The following MYBPH variants were observed in gnomAD, a reference collection of about 807,000 sequenced individuals.
MYBPH encodes the protein myosin binding protein H, also known as myosin-binding protein H.
A neutral mutation model predicts 53.6 loss-of-function variants in MYBPH; 49 were observed. That is an observed-to-expected ratio of 0.91 (90% CI 0.73 to 1.16). The LOEUF (loss-of-function observed/expected upper bound fraction) is 1.16, where lower values mean the gene tolerates loss of function less well. Among genes scored for constraint, MYBPH ranks in the 50% most tolerant of loss-of-function variants. The pLI, the probability that MYBPH is intolerant of heterozygous loss-of-function variation, is 0.00. For synonymous variants in MYBPH, 239 were observed against 249.6 expected (o/e 0.96, Z 0.40); for missense variants, 558 against 624.1 (o/e 0.89, Z 1.13).
chr1:203,169,753 T>C (rs1655660183), intron 7 of MYBPH, among the ~76,000 whole-genome samples: 1 of 152,224 alleles, frequency 6.6e-6, no homozygotes, highest in Non-Finnish European at 1.5e-5. Flanking sequence ...GTTTGCCTTC[T>C]GGAACCCACA....
rs768989543 is a variant in MYBPH, at chr1:203,174,482, C to A, written c.456G>T (p.Gly152=). Residue 152 remains glycine, a synonymous_variant, in exon 3 of 11, where the codon GGG becomes GGT. Transcript: ENST00000255416. The part of the protein sequence containing the change: ...LLRVSAVSSA[G]AGPPAMLDQP... ...GGTCCAGCATGGCCGGCGGGCCAGC[C>A]CCTGCAGAACTCACTGCAGACACGC... 3.7e-6 allele frequency: 6 copies of A among 1,612,224 alleles called. No homozygotes were observed. The Admixed American group carries it at 1.0e-4, about 27-fold the overall frequency.
upstream of MYBPH, among the ~76,000 whole-genome samples, chr1:203,176,673 T>C (rs936784921): frequency 6.6e-6 from 1 of 152,178 alleles, no homozygotes; most frequent in Admixed American, 6.5e-5. Context: ...TTTCTAGTCA[T>C]TGATTCATTT....
chr1:203,171,603 G>A lies in MYBPH; in HGVS notation c.598-25C>T. On this transcript the variant is annotated intron_variant, in intron 4 of 10. Coordinates refer to ENST00000255416, the MANE Select transcript of MYBPH (RefSeq NM_004997.3). The surrounding 1 kb of genome is among the most constrained non-coding windows in gnomAD (Gnocchi z 4.2). ...CCTGGCAGGGAGGAGCCCCCAGGGT[G>A]AGTGTAGGGAGGTGCCAGAGTCCCC... is the stretch of plus-strand genomic sequence containing the variant. 1 of 1,592,516 alleles carries A rather than the reference G, an allele frequency of 6.3e-7. No homozygotes were observed. The highest frequency in any genetic ancestry group is 8.5e-7 in the Non-Finnish European group (1 of 1,169,948).
At position 203,171,160 on chromosome 1, in the gene MYBPH, G is replaced by T; in HGVS notation, c.834C>A (p.Val278=). ...ACTGAAGAGCAGCATTGCAGCCCCA[G>T]ACGTCCAGGAGCCTGATGCTGCTGG... The part of the protein sequence containing the change: ...GPPSSIRLLD[V]WGCNAALQWT... The change falls in exon 6 of 11, where the codon GTC becomes GTA. Residue 278 remains valine, a synonymous_variant. Transcript: ENST00000255416. This position sits in a 1 kb window ranked among gnomAD's most constrained non-coding sequence, Gnocchi z 4.2. 1.9e-6 allele frequency: 3 copies of T among 1,612,344 alleles called. No individual in the cohort carries two copies. Among genetic ancestry groups the T allele is most frequent in the Non-Finnish European group, 2.5e-6 (3 of 1,179,172 alleles).
chr1:203,175,691 G>C lies in MYBPH; in HGVS notation c.65C>G (p.Ala22Gly). ...GGGAGGCTCTGCTGTGGGCACCTTG[G>C]CAGATTCAGATGCGGTCTCCTCTGG... ...CSPEETASES[A>G]KVPTAEPPGE... Residue 22 changes from alanine to glycine, a missense_variant, in exon 1 of 11, where the codon GCC becomes GGC. Coordinates refer to ENST00000255416, the MANE Select transcript of MYBPH (RefSeq NM_004997.3). 6.2e-7 allele frequency: 1 copy of C among 1,614,038 alleles called. No homozygotes were observed. Among genetic ancestry groups the C allele is most frequent in the African/African-American group, 1.3e-5 (1 of 75,012 alleles).
chr1:203,168,091 C>T lies in MYBPH; in HGVS notation c.*33G>A, dbSNP rs985692854. On this transcript the variant is annotated splice_region_variant and 3_prime_UTR_variant, in exon 11 of 11. Transcript: ENST00000255416. ...GACCTGGCCCCTCAGGCCTGCAGCA[C>T]CTGGAGGAGGACATGCTTCCTGAGC... The T allele has an allele frequency of 6.2e-6, 1 of 160,844 alleles. No individual in the cohort carries two copies. Among genetic ancestry groups the T allele is most frequent in the Non-Finnish European group, 1.4e-5 (1 of 72,536 alleles). The allele number at this position is 160,844 out of a possible 1,614,324, so 10.0% of individuals were successfully genotyped here. A position where few individuals can be genotyped will look rare whatever the true frequency, so the allele number is the denominator to read the frequency against.
rs544515615 is a variant in MYBPH, at chr1:203,171,630, C to T, written c.598-52G>A. The T allele has an allele frequency of 7.9e-6, 12 of 1,523,942 alleles. No individual in the cohort carries two copies. The East Asian group carries it at 1.4e-4, about 18-fold the overall frequency. The allele number at this position is 1,523,942 out of a possible 1,614,324, so 94.4% of individuals were successfully genotyped here. A position where few individuals can be genotyped will look rare whatever the true frequency, so the allele number is the denominator to read the frequency against. ...GTGTAGGGAGGTGCCAGAGTCCCCA[C>T]ACCTCCTTAACTCCAGGAGTCTCTG... is the stretch of plus-strand genomic sequence containing the variant. On this transcript the variant is annotated intron_variant, in intron 4 of 10. Coordinates refer to ENST00000255416, the MANE Select transcript of MYBPH (RefSeq NM_004997.3). This position sits in a 1 kb window ranked among gnomAD's most constrained non-coding sequence, Gnocchi z 4.2.
chr1:203,177,615 G>A (rs977201601), upstream of MYBPH, among the ~76,000 whole-genome samples: 1 of 152,178 alleles, frequency 6.6e-6, no homozygotes, highest in African/African-American at 2.4e-5. Flanking sequence ...AGTGGGTCCT[G>A]GAGACTGGAT....
At position 203,171,027 on chromosome 1, in the gene MYBPH, T is replaced by C. The variant is rs751374223; in HGVS notation, c.933+34A>G. On this transcript the variant is annotated intron_variant, in intron 6 of 10. Coordinates refer to ENST00000255416, the MANE Select transcript of MYBPH (RefSeq NM_004997.3). This position sits in a 1 kb window ranked among gnomAD's most constrained non-coding sequence, Gnocchi z 4.2. ...CTTCCCCACCACCTTGACCACTTCG[T>C]ACCCCGACCCCACTTTGCCTCAGCC... 2.6e-6 allele frequency: 4 copies of C among 1,552,858 alleles called. No homozygotes were observed. In the South Asian group the frequency reaches 5.0e-5, roughly 19 times the overall value.
Position 203,168,764 on chromosome 1 carries a change from C to T in MYBPH, c.1418-89G>A, listed in dbSNP as rs1655635600. ...TACACCCTCTTCTACACCTGTCCAC[C>T]CTGCCGCTTGGAAAGTAATCAGCAC... On this transcript the variant is annotated intron_variant, in intron 9 of 10. Transcript: ENST00000255416. 1.1e-5 allele frequency: 17 copies of T among 1,598,388 alleles called. No individual in the cohort carries two copies. The Admixed American group carries it at 1.3e-4, about 13-fold the overall frequency.
In MYBPH at chr1:203,169,364, A is replaced by G; in HGVS notation, c.1119T>C (p.Phe373=). ...GGGCTTCTGAGAAGTCTCGCTCAATAAACCCTTTAGGTTTGGCAGCAATAT... is the reference window on the plus strand; with the variant it reads ...GGGCTTCTGAGAAGTCTCGCTCAATGAACCCTTTAGGTTTGGCAGCAATAT... ...KADIAAKPKG[F]IERDFSEAPS... The change falls in exon 8 of 11, where the codon TTT becomes TTC. Residue 373 remains phenylalanine (F), a synonymous_variant. Coordinates refer to ENST00000255416, the MANE Select transcript of MYBPH (RefSeq NM_004997.3). 2 of 1,591,260 alleles carry G rather than the reference A, an allele frequency of 1.3e-6. No homozygotes were observed. The highest frequency in any genetic ancestry group is 1.7e-6 in the Non-Finnish European group (2 of 1,167,392).
chr1:203,173,254 C>T (rs990410049), intron 3 of MYBPH, among the ~76,000 whole-genome samples: 1 of 152,334 alleles, frequency 6.6e-6, no homozygotes, highest in African/African-American at 2.4e-5. Flanking sequence ...CCAGCACCGT[C>T]CCAACCAAGA....
At chr1:203,173,132 T>C (rs544799547) in intron 3 of MYBPH, among the ~76,000 whole-genome samples, 11 of 152,250 alleles carry the variant, frequency 7.2e-5, no homozygotes, top group African/African-American at 2.4e-4. Flanking sequence ...TCCCCTTCTC[T>C]CCTGCCAGAG....
upstream of MYBPH, among the ~76,000 whole-genome samples, chr1:203,176,010 C>T (rs17465574): frequency 0.043 from 6,480 of 152,222 alleles, 199 homozygotes; most frequent in South Asian, 0.077. Flanking sequence ...TCCATCTCCC[C>T]GACTGGCCTT....
In MYBPH at chr1:203,171,922, G is replaced by A. The variant is rs1002769160; in HGVS notation, c.597+30C>T. 2.3e-6 allele frequency: 3 copies of A among 1,290,278 alleles called. No homozygotes were observed. The highest frequency in any genetic ancestry group is 3.0e-6 in the Non-Finnish European group (3 of 1,004,962). 79.9% of individuals were successfully genotyped at this position (1,290,278 alleles called of 1,614,324 possible). A position where few individuals can be genotyped will look rare whatever the true frequency, so the allele number is the denominator to read the frequency against. On this transcript the variant is annotated intron_variant, in intron 4 of 10. Transcript: ENST00000255416. This position sits in a 1 kb window ranked among gnomAD's most constrained non-coding sequence, Gnocchi z 4.2. ...AATGGGGGCCCTGGTTCCCACCCAGGCTGTTACCCTTGGTGGGGGTAATAC... is the reference window on the plus strand; with the variant it reads ...AATGGGGGCCCTGGTTCCCACCCAGACTGTTACCCTTGGTGGGGGTAATAC...
At chr1:203,177,888 G>A (rs1233385894), upstream of MYBPH, among the ~76,000 whole-genome samples, 2 of 152,374 alleles carry the variant, frequency 1.3e-5, no homozygotes, top group South Asian at 2.1e-4. Context: ...CCCACTCCAC[G>A]CCTTGCCGAG....
Position 203,169,409 on chromosome 1 carries a change from T to C in MYBPH, c.1094-20A>G, listed in dbSNP as rs1249117342. The C allele has an allele frequency of 1.9e-6, 3 of 1,555,170 alleles. No homozygotes were observed. Among genetic ancestry groups the C allele is most frequent in the Non-Finnish European group, 2.6e-6 (3 of 1,148,590 alleles). On this transcript the variant is annotated intron_variant, in intron 7 of 10. Transcript: ENST00000255416. ...CAATATCTGGGTTCAGGGGAGAAAG[T>C]CGGGTGCATCTGAGCTTACAGGAGT...
rs748846700 is a variant in MYBPH, at chr1:203,175,551, C to T, written c.205G>A (p.Asp69Asn). The T allele has an allele frequency of 1.2e-6, 2 of 1,613,790 alleles. No homozygotes were observed. Among genetic ancestry groups the T allele is most frequent in the East Asian group, 2.2e-5 (1 of 44,850 alleles). ...CTCCCCCTGCCCCACCTTCAGTCAC[C>T]TTCACTTGGGGGTGCAGGCTTAGTG... The part of the protein sequence containing the change: ...TATKPAPPSE[D>N]VPSAPLLLTL... Residue 69 changes from aspartate (D) to asparagine (N), a missense_variant and splice_region_variant, in exon 1 of 11, where the codon GAT (aspartate) becomes AAT (asparagine). Asp to Asn is a conservative substitution (Grantham distance 23). Transcript: ENST00000255416.
Position 203,171,161 on chromosome 1 carries a change from A to G in MYBPH, c.833T>C (p.Val278Ala). ...GPPSSIRLLD[V>A]WGCNAALQWT... ...CTGAAGAGCAGCATTGCAGCCCCAG[A>G]CGTCCAGGAGCCTGATGCTGCTGGG... The change falls in exon 6 of 11, where the codon GTC becomes GCC. Residue 278 changes from valine to alanine, a missense_variant. Val to Ala is a moderately conservative substitution (Grantham distance 64). Transcript: ENST00000255416. The surrounding 1 kb of genome is among the most constrained non-coding windows in gnomAD (Gnocchi z 4.2). 1 of 1,612,316 alleles carries G rather than the reference A, an allele frequency of 6.2e-7. No homozygotes were observed. Among genetic ancestry groups the G allele is most frequent in the Non-Finnish European group, 8.5e-7 (1 of 1,179,162 alleles).
Sources: allele counts gnomAD v4.1 joint callset (sites outside exome capture counted in the v4.1 genomes callset), GRCh38; gene constraint gnomAD v4.1.1; non-coding constraint Gnocchi (gnomAD v3.1); transcripts MANE v1.5; gene names NCBI Gene and HGNC (gene_info 2026-07-23, HGNC 2026-07-21).